Variants in VWC2L observed in about 807,000 individuals in gnomAD.
VWC2L encodes von Willebrand factor C domain-containing protein 2-like.
In VWC2L, 10 loss-of-function variants were observed where a neutral mutation model predicts 21.6. The ratio of observed to expected loss-of-function variants is 0.46; its 90% CI spans 0.29 to 0.78. The LOEUF (loss-of-function observed/expected upper bound fraction) is 0.78. Ranked by LOEUF, VWC2L falls within the 30% of genes least tolerant of loss-of-function variation. VWC2L has a pLI of 0.10. For missense variants in VWC2L, 209 were observed against 277.1 expected (o/e 0.75, Z 1.74); for synonymous variants, 96 against 94.3 (o/e 1.02, Z -0.10).
rs146712492 is a variant in VWC2L, at chr2:214,479,819, A to T, written c.520+43061A>T. Among the ~76,000 whole-genome samples, 1,252 of 152,324 alleles carry T rather than the reference A, an allele frequency of 8.2e-3. 11 individuals carry two copies. Among genetic ancestry groups the T allele is most frequent in the Middle Eastern group, 0.024 (7 of 294 alleles). ...AATAATAATAATCTGGATATAGAGC[A>T]AGAAGAAAGAACATTCAATCTAATA... On this transcript the variant is annotated intron_variant, in intron 3 of 3. Coordinates refer to ENST00000312504, the MANE Select transcript of VWC2L (RefSeq NM_001080500.4).
At chr2:214,496,061 G>A (rs570912678) in intron 3 of VWC2L, among the ~76,000 whole-genome samples, 2 of 152,044 alleles carry the variant, frequency 1.3e-5, no homozygotes, top group South Asian at 2.1e-4. Context: ...ACACACTTAC[G>A]CTATAGGGTA....
intron 3 of VWC2L, among the ~76,000 whole-genome samples, chr2:214,552,381 CT>C (rs890351335): frequency 1.1e-4 from 16 of 151,614 alleles, no homozygotes; most frequent in East Asian, 3.9e-4. Context: ...AATCAACATG[CT>C]TTTTTTTTCC....
chr2:214,568,742 G>T (rs976107557), intron 3 of VWC2L, among the ~76,000 whole-genome samples: 11 of 152,164 alleles, frequency 7.2e-5, no homozygotes, highest in African/African-American at 2.7e-4. Flanking sequence ...AGGCTTGGTT[G>T]TCTTGGCTAT....
At position 214,574,835 on chromosome 2, in the gene VWC2L, CA is replaced by C. The variant is rs148987826; in HGVS notation, c.521-831del. ...ACTGATATTCCTACGTTGGGAAGGT[CA>C]AAAAATGCAAGAAAATAAGGGGAAA... is the stretch of plus-strand genomic sequence containing the variant. On this transcript the variant is annotated intron_variant, in intron 3 of 3. Transcript: ENST00000312504. 4.7e-3 allele frequency among the ~76,000 whole-genome samples: 708 copies of C among 150,988 alleles called. 3 individuals carry two copies. Among genetic ancestry groups the C allele is most frequent in the African/African-American group, 0.016 (678 of 41,132 alleles).
chr2:214,569,876 G>A (rs151332479), intron 3 of VWC2L, among the ~76,000 whole-genome samples: 50 of 152,134 alleles, frequency 3.3e-4, no homozygotes, highest in African/African-American at 8.7e-4. Context: ...GCTTAACATC[G>A]TAAGTAAACA....
intron 3 of VWC2L, among the ~76,000 whole-genome samples, chr2:214,483,326 C>T (rs1040185015): frequency 6.6e-6 from 1 of 151,840 alleles, no homozygotes; most frequent in Non-Finnish European, 1.5e-5. Context: ...ATACAATAAT[C>T]TGAGTTAATG....
chr2:214,440,484 T>C (rs911226863), intron 3 of VWC2L, among the ~76,000 whole-genome samples: 4 of 152,072 alleles, frequency 2.6e-5, no homozygotes, highest in Non-Finnish European at 5.9e-5. Context: ...GCACTCTTTA[T>C]GGATTTTTGT....
Position 214,576,568 on chromosome 2 carries a change from T to A in VWC2L, c.*748T>A, listed in dbSNP as rs1034417602. 1 of 152,172 alleles carries A rather than the reference T, an allele frequency of 6.6e-6. No homozygotes were observed. Among genetic ancestry groups the A allele is most frequent in the African/African-American group, 2.4e-5 (1 of 41,440 alleles). The allele number at this position is 152,172 out of a possible 1,614,324, so 9.4% of individuals were successfully genotyped here. ...ACGTAAAGAACACCATAAGCTCAAC[T>A]AAAGAATCCAAAGAGAGACAGATCT... On this transcript the variant is annotated 3_prime_UTR_variant, in exon 4 of 4. Coordinates refer to ENST00000312504, the MANE Select transcript of VWC2L (RefSeq NM_001080500.4).
At chr2:214,470,977 A>G (rs1703300454) in intron 3 of VWC2L, among the ~76,000 whole-genome samples, 1 of 150,722 alleles carries the variant, frequency 6.6e-6, no homozygotes, top group Non-Finnish European at 1.5e-5. Flanking sequence ...TATTAAGACT[A>G]GGTCAAAATT....
intron 3 of VWC2L, among the ~76,000 whole-genome samples, chr2:214,503,870 C>T (rs896060045): frequency 3.9e-5 from 6 of 152,180 alleles, no homozygotes; most frequent in Non-Finnish European, 4.4e-5. Flanking sequence ...CATCATACAG[C>T]TACCATTAAA....
chr2:214,572,783 T>C (rs1160172165), intron 3 of VWC2L, among the ~76,000 whole-genome samples: 2 of 152,168 alleles, frequency 1.3e-5, no homozygotes, highest in Non-Finnish European at 2.9e-5. Flanking sequence ...CAGGTACTAA[T>C]AAAAAATCAC....
intron 3 of VWC2L, among the ~76,000 whole-genome samples, chr2:214,504,210 T>G (rs1008775779): frequency 1.3e-5 from 2 of 152,256 alleles, no homozygotes; most frequent in African/African-American, 4.8e-5. Context: ...GCTGCTTCGT[T>G]TCCCTAAGAG....
chr2:214,434,093 G>A (rs990771235), intron 2 of VWC2L, among the ~76,000 whole-genome samples: 1 of 152,120 alleles, frequency 6.6e-6, no homozygotes, highest in Non-Finnish European at 1.5e-5. Flanking sequence ...AGGGTGAGAA[G>A]CCACCAATGA....
chr2:214,522,549 A>G (rs1689261987), intron 3 of VWC2L, among the ~76,000 whole-genome samples: 1 of 152,120 alleles, frequency 6.6e-6, no homozygotes, highest in Non-Finnish European at 1.5e-5. Context: ...TGTGATGTGA[A>G]TAAGTGTGTC....
chr2:214,451,314 G>GA lies in VWC2L; in HGVS notation c.520+14556_520+14557insA, dbSNP rs1553586379. 2.0e-4 allele frequency among the ~76,000 whole-genome samples: 28 copies of GA among 140,400 alleles called. 3 individuals carry two copies. Among genetic ancestry groups the GA allele is most frequent in the African/African-American group, 6.9e-4 (25 of 36,164 alleles). 92.1% of individuals were successfully genotyped at this position (140,400 alleles called of 152,430 possible). ...AAGGATAAGTGGGTCGGTGTGGGGG[G>GA]GGGGGGCAGTAAAAGCTGAAATAAT... On this transcript the variant is annotated intron_variant, in intron 3 of 3. Coordinates refer to ENST00000312504, the MANE Select transcript of VWC2L (RefSeq NM_001080500.4).
chr2:214,489,770 T>G (rs748936206), intron 3 of VWC2L, among the ~76,000 whole-genome samples: 5 of 152,208 alleles, frequency 3.3e-5, no homozygotes, highest in Non-Finnish European at 7.3e-5. Context: ...AAGAATTTGT[T>G]TCTTGTCAAT....
intron 3 of VWC2L, among the ~76,000 whole-genome samples, chr2:214,575,060 C>G (rs776860460): frequency 6.9e-6 from 1 of 144,588 alleles, no homozygotes; most frequent in Non-Finnish European, 1.5e-5. Flanking sequence ...AAAAAAAGAG[C>G]CAGCAGATTA....
chr2:214,478,098 G>T (rs1688551360), intron 3 of VWC2L, among the ~76,000 whole-genome samples: 1 of 152,150 alleles, frequency 6.6e-6, no homozygotes, highest in Non-Finnish European at 1.5e-5. Flanking sequence ...TTCCAAACCT[G>T]ATTTAATGTC....
chr2:214,420,304 T>G (rs1702420350), intron 2 of VWC2L, among the ~76,000 whole-genome samples: 1 of 152,196 alleles, frequency 6.6e-6, no homozygotes, highest in African/African-American at 2.4e-5. Context: ...GAGAGTCATT[T>G]GACGTCTAGT....
Sources: gnomAD v4.1 joint callset for allele counts (sites outside exome capture counted in the v4.1 genomes callset) on GRCh38, gnomAD v4.1.1 for gene constraint, MANE v1.5 for transcripts, NCBI Gene and HGNC (gene_info 2026-07-23, HGNC 2026-07-21) for gene names.